The following SS18 variants were observed in gnomAD, a reference collection of about 807,000 sequenced individuals.
SS18 encodes SS18 subunit of BAF chromatin remodeling complex.
Under a neutral mutation model 72.5 loss-of-function variants are expected in SS18, and 28 were observed. The observed-to-expected ratio is 0.39, with a 90% CI of 0.29 to 0.53. SS18 has a LOEUF of 0.53. Ranked by LOEUF, SS18 falls within the 20% of genes least tolerant of loss-of-function variation. The pLI is 0.76. For missense variants in SS18, 518 were observed against 535.3 expected, an observed-to-expected ratio of 0.97 and a Z score of 0.32; for synonymous variants, 172 against 164.2, an observed-to-expected ratio of 1.05 and a Z score of -0.37.
rs573960972 is a variant in SS18, at chr18:26,086,269, G to A, written c.146+1232C>T. Among the ~76,000 whole-genome samples, 14 of 152,180 alleles carry A rather than the reference G, an allele frequency of 9.2e-5. No individual in the cohort carries two copies. In the South Asian group the frequency reaches 2.3e-3, roughly 25 times the overall value. ...GGTATCCATGGGGAGTCCTGGAATC[G>A]ATTCACCATGGCTACCAAGGGTCAA... On this transcript the variant is annotated intron_variant, in intron 2 of 10. Transcript: ENST00000415083.
chr18:26,061,479 A>C (rs2054123578), intron 3 of SS18, among the ~76,000 whole-genome samples: 1 of 152,228 alleles, frequency 6.6e-6, no homozygotes, highest in African/African-American at 2.4e-5. Flanking sequence ...TAATGAAGTA[A>C]TGAATTGAAC....
At chr18:26,022,628 G>T (rs2053372644) in intron 10 of SS18, among the ~76,000 whole-genome samples, 1 of 152,152 alleles carries the variant, frequency 6.6e-6, no homozygotes. Flanking sequence ...TCTGCCAGAT[G>T]TTCTGACTTA....
At chr18:26,037,719 T>C (rs553560919) in intron 7 of SS18, among the ~76,000 whole-genome samples, 5 of 152,132 alleles carry the variant, frequency 3.3e-5, no homozygotes, top group Admixed American at 6.5e-5. Context: ...AAGGATCATA[T>C]ACATGAATAA....
intron 10 of SS18, among the ~76,000 whole-genome samples, chr18:26,029,351 C>T (rs1441552869): frequency 2.0e-5 from 3 of 152,162 alleles, no homozygotes; most frequent in Non-Finnish European, 4.4e-5. Context: ...GTCTTTAAAA[C>T]ATTACTCTGG....
In SS18 at chr18:26,035,740, G is replaced by T. The variant is rs2053615423; in HGVS notation, c.973+91C>A. On this transcript the variant is annotated intron_variant, in intron 8 of 10. Transcript: ENST00000415083. The surrounding 1 kb of genome is among the most constrained non-coding windows in gnomAD (Gnocchi z 4.4). Reference sequence around the variant, plus strand: ...AGCCAGCAACTAGTATTCTACAAGAGCTTTGCATGGGTAGAAGTTGTCTTA... The same window carrying T: ...AGCCAGCAACTAGTATTCTACAAGATCTTTGCATGGGTAGAAGTTGTCTTA... 11 of 792,204 alleles carry T rather than the reference G, an allele frequency of 1.4e-5. No individual in the cohort carries two copies. The highest frequency in any genetic ancestry group is 2.1e-5 in the Non-Finnish European group (11 of 520,490). 49.1% of individuals were successfully genotyped at this position (792,204 alleles called of 1,614,324 possible). A position where few individuals can be genotyped will look rare whatever the true frequency, so the allele number is the denominator to read the frequency against.
At chr18:26,090,971 C>G (rs189255971), upstream of SS18, 456 of 254,326 alleles carry the variant, frequency 1.8e-3, 2 homozygotes, top group South Asian at 6.5e-3. Flanking sequence ...GCGGCCCAAG[C>G]CGGCCCGCCC....
At chr18:26,056,431 A>C (rs909337404) in intron 4 of SS18, among the ~76,000 whole-genome samples, 3 of 152,230 alleles carry the variant, frequency 2.0e-5, no homozygotes, top group Non-Finnish European at 4.4e-5. Flanking sequence ...AAAAGCAGTG[A>C]TGTCTTTATT....
In SS18 at chr18:26,087,573, A is replaced by T; in HGVS notation, c.74T>A (p.Leu25Ter). ...CTGAATAAGATGGTTATTGTCATCCAACATCTGAAACAGAATTAGAAAAGG... is the reference window on the plus strand; with the variant it reads ...CTGAATAAGATGGTTATTGTCATCCTACATCTGAAACAGAATTAGAAAAGG... ...EITPAAIQKM[L>*]DDNNHLIQCI... The change falls in exon 2 of 11, where the codon TTG (leucine) becomes TAG (stop). Residue 25 changes from leucine (L) to a stop codon, truncating the protein, a stop_gained. Coordinates refer to ENST00000415083, the MANE Select transcript of SS18 (RefSeq NM_001007559.3). LOFTEE classifies it high-confidence loss of function. 6.4e-7 allele frequency: 1 copy of T among 1,557,974 alleles called. No individual in the cohort carries two copies. Among genetic ancestry groups the T allele is most frequent in the Non-Finnish European group, 8.8e-7 (1 of 1,139,748 alleles).
At chr18:26,081,943 T>C (rs1177716366) in intron 2 of SS18, among the ~76,000 whole-genome samples, 1 of 151,888 alleles carries the variant, frequency 6.6e-6, no homozygotes, top group Non-Finnish European at 1.5e-5. Context: ...CTGTAGTCCC[T>C]GCTACTTAGG....
At chr18:26,030,542 T>A (rs954537480) in intron 10 of SS18, among the ~76,000 whole-genome samples, 2 of 152,220 alleles carry the variant, frequency 1.3e-5, no homozygotes, top group Non-Finnish European at 2.9e-5. Flanking sequence ...GTTCCCAATC[T>A]TAGCATGGCA....
chr18:26,037,122 A>C (rs987001756), intron 7 of SS18, among the ~76,000 whole-genome samples: 10 of 152,150 alleles, frequency 6.6e-5, no homozygotes, highest in Non-Finnish European at 1.5e-5. Context: ...TACTCTATGT[A>C]AATGTCAGAT....
intron 5 of SS18, among the ~76,000 whole-genome samples, chr18:26,040,359 A>G (rs939804803): frequency 2.0e-5 from 3 of 152,166 alleles, no homozygotes; most frequent in African/African-American, 4.8e-5. Context: ...GGGCCAAGTT[A>G]CGGTATGGGG....
At chr18:26,030,960 A>G (rs765915137) in intron 10 of SS18, among the ~76,000 whole-genome samples, 2 of 152,228 alleles carry the variant, frequency 1.3e-5, no homozygotes, top group African/African-American at 4.8e-5. Context: ...GCCAATAGCT[A>G]AAGTGAGGTC....
chr18:26,072,607 C>T (rs893963364), intron 3 of SS18, among the ~76,000 whole-genome samples: 5 of 151,886 alleles, frequency 3.3e-5, no homozygotes, highest in African/African-American at 1.2e-4. Context: ...ACCATCCTGG[C>T]TGACAAGGTG....
intron 10 of SS18, among the ~76,000 whole-genome samples, chr18:26,022,318 G>A (rs572861671): frequency 5.5e-4 from 83 of 152,064 alleles, no homozygotes; most frequent in African/African-American, 2.0e-3. Context: ...ACATTCTTGG[G>A]GAAGAAGAAT....
At position 26,016,970 on chromosome 18, in the gene SS18, G is replaced by C. The variant is rs2053261001; in HGVS notation, c.*1384C>G. 1 of 226,222 alleles carries C rather than the reference G, an allele frequency of 4.4e-6. No homozygotes were observed. Among genetic ancestry groups the C allele is most frequent in the Non-Finnish European group, 8.8e-6 (1 of 113,408 alleles). The allele number at this position is 226,222 out of a possible 1,614,324, so 14.0% of individuals were successfully genotyped here. A position where few individuals can be genotyped will look rare whatever the true frequency, so the allele number is the denominator to read the frequency against. On this transcript the variant is annotated 3_prime_UTR_variant, in exon 11 of 11. Coordinates refer to ENST00000415083, the MANE Select transcript of SS18 (RefSeq NM_001007559.3). Reference sequence around the variant, plus strand: ...GAATACATCTTATTCCCTGGGCATAGGCAACTGTGATGAAAATAGCAACTT... The same window carrying C: ...GAATACATCTTATTCCCTGGGCATACGCAACTGTGATGAAAATAGCAACTT...
chr18:26,048,553 T>TA (rs1357089931), intron 5 of SS18, among the ~76,000 whole-genome samples: 1 of 152,182 alleles, frequency 6.6e-6, no homozygotes, highest in Non-Finnish European at 1.5e-5. Flanking sequence ...TGTGTAATAG[T>TA]AAGAGATAAT....
At chr18:26,034,150 T>C (rs1367043380) in intron 9 of SS18, among the ~76,000 whole-genome samples, 1 of 152,142 alleles carries the variant, frequency 6.6e-6, no homozygotes, top group Non-Finnish European at 1.5e-5. Flanking sequence ...AGAATTTCAG[T>C]CTGACCTGAG....
intron 10 of SS18, among the ~76,000 whole-genome samples, chr18:26,023,883 T>A (rs1361848102): frequency 1.3e-5 from 2 of 151,902 alleles, no homozygotes; most frequent in African/African-American, 4.9e-5. Flanking sequence ...CTGATTTTTT[T>A]AGACAAAAAT....
Sources: gnomAD v4.1 joint callset for allele counts (sites outside exome capture counted in the v4.1 genomes callset) on GRCh38, gnomAD v4.1.1 for gene constraint, Gnocchi (gnomAD v3.1) non-coding constraint, MANE v1.5 for transcripts, NCBI Gene and HGNC (gene_info 2026-07-23, HGNC 2026-07-21) for gene names.